The following PALM2AKAP2 variants were observed in gnomAD, a reference collection of about 807,000 sequenced individuals.
The protein encoded by PALM2AKAP2 is PALM2-AKAP2 fusion protein.
In PALM2AKAP2, 37 loss-of-function variants were observed where a neutral mutation model predicts 71.5. That is an observed-to-expected ratio of 0.52 (90% CI 0.40 to 0.68). The LOEUF (loss-of-function observed/expected upper bound fraction) is 0.68, where lower values mean the gene tolerates loss of function less well. Ranked by LOEUF, PALM2AKAP2 falls within the 30% of genes least tolerant of loss-of-function variation. PALM2AKAP2 has a pLI of 0.00. For synonymous variants in PALM2AKAP2, 468 were observed against 478.8 expected (o/e 0.98, Z 0.29); for missense variants, 1,224 against 1,191.8 (o/e 1.03, Z -0.40).
intron 6 of PALM2AKAP2, among the ~76,000 whole-genome samples, chr9:110,009,004 A>G (rs1248255783): frequency 2.0e-5 from 3 of 152,152 alleles, no homozygotes; most frequent in Non-Finnish European, 4.4e-5. Flanking sequence ...TGCAAGGAGA[A>G]AGAACTGGGA....
intron 1 of PALM2AKAP2, among the ~76,000 whole-genome samples, chr9:109,837,462 T>C (rs1024826162): frequency 1.2e-4 from 18 of 152,272 alleles, no homozygotes; most frequent in Admixed American, 1.0e-3. Context: ...AGAAAGAAAC[T>C]GCATCAACTA....
intron 1 of PALM2AKAP2, among the ~76,000 whole-genome samples, chr9:109,701,539 A>G (rs991988277): frequency 6.6e-5 from 10 of 152,374 alleles, no homozygotes; most frequent in African/African-American, 2.4e-4. Context: ...CTGGCTAGCC[A>G]TATGTAGAAA....
chr9:109,700,649 G>A (rs1564117845), intron 1 of PALM2AKAP2, among the ~76,000 whole-genome samples: 1 of 152,122 alleles, frequency 6.6e-6, no homozygotes. Context: ...ACACTTTGTT[G>A]TCTCACTGGA....
intron 7 of PALM2AKAP2, among the ~76,000 whole-genome samples, chr9:110,041,238 T>C (rs1278531796): frequency 6.6e-6 from 1 of 151,550 alleles, no homozygotes; most frequent in Non-Finnish European, 1.5e-5. Flanking sequence ...TTTCACTCTT[T>C]CCAACACAGG....
chr9:109,842,733 G>C (rs561579506), intron 1 of PALM2AKAP2, among the ~76,000 whole-genome samples: 68 of 152,248 alleles, frequency 4.5e-4, no homozygotes, highest in Non-Finnish European at 5.9e-5. Flanking sequence ...AAATTATCAA[G>C]GTCAGGTGCA....
chr9:110,093,705 A>C (rs1246835197), intron 1 of PALM2AKAP2, among the ~76,000 whole-genome samples: 1 of 152,022 alleles, frequency 6.6e-6, no homozygotes, highest in African/African-American at 2.4e-5. Context: ...GCTGCCTTGC[A>C]CCTTACAACG....
chr9:109,697,313 A>G (rs1827986366), intron 1 of PALM2AKAP2, among the ~76,000 whole-genome samples: 1 of 152,216 alleles, frequency 6.6e-6, no homozygotes, highest in African/African-American at 2.4e-5. Flanking sequence ...TTACAAATAT[A>G]GTTGAATATT....
chr9:110,127,788 T>C (rs1835645124), intron 1 of PALM2AKAP2: 1 of 152,214 alleles, frequency 6.6e-6, no homozygotes, highest in Non-Finnish European at 1.5e-5. Flanking sequence ...CCCGGCACAG[T>C]TTGCGCCGTT....
intron 6 of PALM2AKAP2, among the ~76,000 whole-genome samples, chr9:110,000,043 G>T (rs1832653288): frequency 6.6e-6 from 1 of 150,738 alleles, no homozygotes; most frequent in Non-Finnish European, 1.5e-5. Context: ...TAAGTTTTAG[G>T]GTACATGTGC....
intron 1 of PALM2AKAP2, among the ~76,000 whole-genome samples, chr9:109,783,387 G>A (rs1400908489): frequency 6.6e-6 from 1 of 151,338 alleles, no homozygotes; most frequent in Non-Finnish European, 1.5e-5. Flanking sequence ...ATGACAGCTC[G>A]CTGCATCCTG....
chr9:109,958,802 T>C (rs1831796223), intron 6 of PALM2AKAP2, among the ~76,000 whole-genome samples: 1 of 152,172 alleles, frequency 6.6e-6, no homozygotes, highest in Non-Finnish European at 1.5e-5. Context: ...ACATCAGCCA[T>C]CTGCTGTGCC....
intron 1 of PALM2AKAP2, among the ~76,000 whole-genome samples, chr9:109,643,578 C>T (rs1260377944): frequency 6.6e-6 from 1 of 152,190 alleles, no homozygotes; most frequent in Admixed American, 6.5e-5. Flanking sequence ...ACCTGGAACT[C>T]CTTGTGAACA....
intron 1 of PALM2AKAP2, among the ~76,000 whole-genome samples, chr9:109,783,322 CTT>C (rs11302433): frequency 0.025 from 3,705 of 145,466 alleles, 158 homozygotes; most frequent in African/African-American, 0.087. Flanking sequence ...GTATTAATGA[CTT>C]TTTTTTTTTT....
intron 2 of PALM2AKAP2, among the ~76,000 whole-genome samples, chr9:110,150,442 T>C (rs894165443): frequency 2.7e-4 from 41 of 152,220 alleles, no homozygotes; most frequent in African/African-American, 9.1e-4. Flanking sequence ...CATGGCCCCT[T>C]CCTCCATCTT....
chr9:110,094,716 C>T (rs1023846752), intron 1 of PALM2AKAP2, among the ~76,000 whole-genome samples: 1 of 152,162 alleles, frequency 6.6e-6, no homozygotes, highest in African/African-American at 2.4e-5. Flanking sequence ...TCTCACCAGG[C>T]CCCACCTCCA....
upstream of PALM2AKAP2, among the ~76,000 whole-genome samples, chr9:110,045,200 T>G (rs936779965): frequency 6.6e-6 from 1 of 152,146 alleles, no homozygotes; most frequent in African/African-American, 2.4e-5. Context: ...CATGGAAGAT[T>G]TTGTGCCCTT....
At chr9:109,825,811 C>G (rs534232406) in intron 1 of PALM2AKAP2, among the ~76,000 whole-genome samples, 43 of 152,170 alleles carry the variant, frequency 2.8e-4, no homozygotes, top group Non-Finnish European at 4.4e-4. Flanking sequence ...TGTGGCGATT[C>G]CTCAGGGATC....
chr9:110,053,421 G>A (rs1243666790), intron 1 of PALM2AKAP2, among the ~76,000 whole-genome samples: 1 of 150,916 alleles, frequency 6.6e-6, no homozygotes, highest in Non-Finnish European at 1.5e-5. Context: ...CCAGCTACTC[G>A]AGAGGCTGAG....
At chr9:109,660,495 C>A (rs1181546847) in intron 1 of PALM2AKAP2, among the ~76,000 whole-genome samples, 1 of 152,132 alleles carries the variant, frequency 6.6e-6, no homozygotes, top group East Asian at 1.9e-4. Context: ...TGCTTTCCAG[C>A]TTCATCCATT....
Sources: gnomAD v4.1 joint callset for allele counts (sites outside exome capture counted in the v4.1 genomes callset) on GRCh38, gnomAD v4.1.1 for gene constraint, MANE v1.5 for transcripts, NCBI Gene and HGNC (gene_info 2026-07-23, HGNC 2026-07-21) for gene names.